ESR1: variants seen among roughly 807,000 people sequenced by gnomAD.
The protein encoded by ESR1 is estrogen receptor 1, also known as estrogen receptor.
ESR1 carries 12 observed loss-of-function variants against 52.7 expected under a neutral mutation model. That is an observed-to-expected ratio of 0.23 (90% CI 0.15 to 0.37). The LOEUF is 0.37. ESR1 is among the 10% of genes least tolerant of loss of function. The pLI is 1.00. For missense variants in ESR1, 584 were observed against 779.7 expected (o/e 0.75, Z 2.99); for synonymous variants, 305 against 316.8 (o/e 0.96, Z 0.39).
At chr6:151,733,398 T>A (rs1782404772) in intron 2 of ESR1, among the ~76,000 whole-genome samples, 1 of 152,186 alleles carries the variant, frequency 6.6e-6, no homozygotes, top group Non-Finnish European at 1.5e-5. Context: ...GTATGTTTCT[T>A]GTGATGAGGA....
chr6:151,697,805 T>G (rs1437251420), intron 1 of ESR1, among the ~76,000 whole-genome samples: 1 of 152,170 alleles, frequency 6.6e-6, no homozygotes, highest in Non-Finnish European at 1.5e-5. Flanking sequence ...TCTCTTAGAA[T>G]AGTGATTTAA....
At chr6:151,912,612 A>G (rs1359278715) in intron 3 of ESR1, among the ~76,000 whole-genome samples, 1 of 152,194 alleles carries the variant, frequency 6.6e-6, no homozygotes, top group Non-Finnish European at 1.5e-5. Flanking sequence ...CTCAGGCTCT[A>G]ATAATACATC....
intron 2 of ESR1, among the ~76,000 whole-genome samples, chr6:151,735,904 C>T (rs546325931): frequency 2.2e-4 from 34 of 152,166 alleles, no homozygotes; most frequent in African/African-American, 8.2e-4. Context: ...GTTATCATGA[C>T]GTCTGATGTT....
Position 152,097,837 on chromosome 6 carries a change from C to T in ESR1, c.1554-895C>T, listed in dbSNP as rs181125480. Among the ~76,000 whole-genome samples the T allele has an allele frequency of 1.1e-4, 16 of 152,200 alleles. No individual in the cohort carries two copies. The South Asian group carries it at 1.5e-3, about 14-fold the overall frequency. On this transcript the variant is annotated intron_variant, in intron 7 of 7. Coordinates refer to ENST00000206249, the MANE Select transcript of ESR1 (RefSeq NM_000125.4). ...GATAAAGCCTGCTTCTCTAGGAATT[C>T]GCACTGAGGGTGTGAGTGTGTGCAC... is the stretch of plus-strand genomic sequence containing the variant.
intron 1 of ESR1, among the ~76,000 whole-genome samples, chr6:151,678,537 G>T (rs975217430): frequency 1.3e-5 from 2 of 152,036 alleles, no homozygotes; most frequent in Admixed American, 1.3e-4. Context: ...GTGGGTGTGG[G>T]TTCGGCATGG....
intron 1 of ESR1, among the ~76,000 whole-genome samples, chr6:151,840,165 C>A (rs1784061772): frequency 6.6e-6 from 1 of 152,180 alleles, no homozygotes; most frequent in Non-Finnish European, 1.5e-5. Context: ...GACATTGAAT[C>A]TATCAATTTC....
downstream of ESR1, among the ~76,000 whole-genome samples, chr6:152,104,179 C>T (rs9341088): frequency 2.0e-3 from 308 of 152,136 alleles, 4 homozygotes; most frequent in African/African-American, 6.6e-3. Context: ...CGAAACTGCA[C>T]GTTGGACTCA....
At chr6:152,007,005 T>C (rs1174465235) in intron 4 of ESR1, among the ~76,000 whole-genome samples, 1 of 152,082 alleles carries the variant, frequency 6.6e-6, no homozygotes, top group Non-Finnish European at 1.5e-5. Flanking sequence ...CTTACTTTTT[T>C]TCATGTCTCT....
upstream of ESR1, among the ~76,000 whole-genome samples, chr6:151,804,012 C>T (rs953393607): frequency 2.0e-5 from 3 of 152,228 alleles, no homozygotes; most frequent in African/African-American, 7.2e-5. Context: ...CCCTTCTTCA[C>T]CTGAGAGAGC....
At chr6:151,927,397 A>G (rs1313009603) in intron 3 of ESR1, among the ~76,000 whole-genome samples, 2 of 152,200 alleles carry the variant, frequency 1.3e-5, no homozygotes, top group Non-Finnish European at 2.9e-5. Flanking sequence ...TTACTAACAC[A>G]GATTGTAGAG....
intron 4 of ESR1, among the ~76,000 whole-genome samples, chr6:151,958,832 C>T (rs1055262211): frequency 2.6e-5 from 4 of 152,132 alleles, no homozygotes; most frequent in Non-Finnish European, 5.9e-5. Flanking sequence ...ACCTCAGAAC[C>T]CAGCCTCAGT....
chr6:152,021,174 C>T (rs567059746), intron 5 of ESR1, among the ~76,000 whole-genome samples: 20 of 152,096 alleles, frequency 1.3e-4, no homozygotes, highest in South Asian at 4.2e-4. Context: ...CTGGTGGGCA[C>T]GATCTAGTCA....
chr6:151,796,387 A>C (rs906120065), intron 2 of ESR1, among the ~76,000 whole-genome samples: 10 of 152,142 alleles, frequency 6.6e-5, no homozygotes, highest in African/African-American at 2.2e-4. Flanking sequence ...GAAATTTAAA[A>C]ACTGGCGACC....
At chr6:152,018,221 T>A (rs1037675546) in intron 5 of ESR1, among the ~76,000 whole-genome samples, 3 of 151,962 alleles carry the variant, frequency 2.0e-5, no homozygotes, top group African/African-American at 7.3e-5. Context: ...GATAAACTCA[T>A]TTTAAATAGA....
chr6:152,083,504 A>G (rs1031728916), intron 6 of ESR1, among the ~76,000 whole-genome samples: 6 of 151,770 alleles, frequency 4.0e-5, no homozygotes, highest in Non-Finnish European at 1.5e-5. Flanking sequence ...CCTAACACCT[A>G]GAAGAAAACC....
intron 2 of ESR1, among the ~76,000 whole-genome samples, chr6:151,721,732 T>A (rs1781476495): frequency 6.6e-6 from 1 of 152,188 alleles, no homozygotes; most frequent in Non-Finnish European, 1.5e-5. Flanking sequence ...GATCCCCACC[T>A]CTCCTTTCCA....
chr6:151,907,418 T>C (rs1797627175), intron 3 of ESR1, among the ~76,000 whole-genome samples: 1 of 152,088 alleles, frequency 6.6e-6, no homozygotes, highest in Non-Finnish European at 1.5e-5. Flanking sequence ...TCTTACATAT[T>C]AAAATTTACT....
At chr6:151,879,251 T>A (rs914550816) in intron 2 of ESR1, among the ~76,000 whole-genome samples, 1 of 152,196 alleles carries the variant, frequency 6.6e-6, no homozygotes, top group Non-Finnish European at 1.5e-5. Context: ...ATCAACATTG[T>A]AAGCTGCTTC....
intron 6 of ESR1, among the ~76,000 whole-genome samples, chr6:152,080,184 A>G (rs2049073976): frequency 6.6e-6 from 1 of 152,158 alleles, no homozygotes; most frequent in African/African-American, 2.4e-5. Flanking sequence ...CCCAAGACAC[A>G]TAATTTTCAG....
Sources: gnomAD v4.1 joint callset for allele counts (sites outside exome capture counted in the v4.1 genomes callset) on GRCh38, gnomAD v4.1.1 for gene constraint, MANE v1.5 for transcripts, NCBI Gene and HGNC (gene_info 2026-07-23, HGNC 2026-07-21) for gene names.